Variants in EPHB1 observed in about 807,000 individuals in gnomAD.
The protein encoded by EPHB1 is ephrin type-B receptor 1.
Under a neutral mutation model 94.4 loss-of-function variants are expected in EPHB1, and 30 were observed. The observed-to-expected ratio is 0.32, with a 90% CI of 0.24 to 0.43. The LOEUF (loss-of-function observed/expected upper bound fraction) is 0.43, where lower values mean the gene tolerates loss of function less well. Ranked by LOEUF, EPHB1 falls within the 20% of genes least tolerant of loss-of-function variation. The pLI is 1.00. For missense variants in EPHB1, 1,055 were observed against 1,308.3 expected, an observed-to-expected ratio of 0.81 and a Z score of 2.99; for synonymous variants, 522 against 489.1, an observed-to-expected ratio of 1.07 and a Z score of -0.89.
At chr3:134,818,878 T>C (rs547854793) in intron 1 of EPHB1, among the ~76,000 whole-genome samples, 2 of 152,336 alleles carry the variant, frequency 1.3e-5, no homozygotes, top group East Asian at 3.9e-4. Flanking sequence ...CTTTTCTCTC[T>C]GGGTCTCTTG....
intron 3 of EPHB1, among the ~76,000 whole-genome samples, chr3:135,074,483 T>C (rs533051201): frequency 4.9e-4 from 75 of 152,376 alleles, no homozygotes; most frequent in Non-Finnish European, 7.8e-4. Flanking sequence ...GATATGTCCT[T>C]AGTACCCTAG....
intron 3 of EPHB1, among the ~76,000 whole-genome samples, chr3:134,991,820 C>A (rs779810745): frequency 1.3e-5 from 2 of 152,166 alleles, no homozygotes; most frequent in Non-Finnish European, 2.9e-5. Flanking sequence ...CGTCATGTCC[C>A]CAGGGAGTCT....
At chr3:134,968,950 C>T (rs896152152) in intron 3 of EPHB1, among the ~76,000 whole-genome samples, 6 of 152,172 alleles carry the variant, frequency 3.9e-5, no homozygotes, top group Admixed American at 1.3e-4. Context: ...TTTGTGTATC[C>T]ATTCGCTTGT....
chr3:134,892,537 A>C (rs1159782813), intron 1 of EPHB1, among the ~76,000 whole-genome samples: 5 of 152,216 alleles, frequency 3.3e-5, no homozygotes, highest in African/African-American at 7.2e-5. Context: ...ACTGCCCATC[A>C]ATCACTCCCT....
intron 3 of EPHB1, among the ~76,000 whole-genome samples, chr3:135,048,020 C>G (rs578187256): frequency 1.3e-5 from 2 of 151,968 alleles, no homozygotes; most frequent in Admixed American, 6.6e-5. Flanking sequence ...ATGGAGAGAG[C>G]AGATATTGAC....
chr3:134,943,834 G>A (rs899308550), intron 2 of EPHB1, among the ~76,000 whole-genome samples: 7 of 152,154 alleles, frequency 4.6e-5, no homozygotes, highest in African/African-American at 7.2e-5. Flanking sequence ...ATGAGAAGGG[G>A]CATAAGTCAC....
chr3:135,056,034 C>T (rs1937337012), intron 3 of EPHB1, among the ~76,000 whole-genome samples: 1 of 152,218 alleles, frequency 6.6e-6, no homozygotes. Flanking sequence ...CATCTTAGCA[C>T]TGATGGCCCA....
intron 3 of EPHB1, among the ~76,000 whole-genome samples, chr3:135,086,210 G>A (rs1938355300): frequency 6.6e-6 from 1 of 151,992 alleles, no homozygotes; most frequent in Non-Finnish European, 1.5e-5. Flanking sequence ...CCAGGACCGA[G>A]CTGCCTTAAG....
intron 1 of EPHB1, among the ~76,000 whole-genome samples, chr3:134,919,531 G>A (rs931611989): frequency 3.9e-5 from 6 of 152,302 alleles, no homozygotes; most frequent in East Asian, 3.9e-4. Context: ...CAGGAGGTCC[G>A]GACATGGTGT....
At chr3:135,120,243 G>A (rs1939895094) in intron 4 of EPHB1, among the ~76,000 whole-genome samples, 1 of 152,142 alleles carries the variant, frequency 6.6e-6, no homozygotes, top group Admixed American at 6.5e-5. Flanking sequence ...TTCCATCCAG[G>A]CATGAGGTAT....
chr3:135,111,234 G>A (rs890383707), intron 4 of EPHB1, among the ~76,000 whole-genome samples: 15 of 152,138 alleles, frequency 9.9e-5, no homozygotes, highest in South Asian at 6.2e-4. Context: ...AGCAGCCTCC[G>A]TGTCACCTAG....
chr3:134,803,988 T>C (rs569939181), intron 1 of EPHB1, among the ~76,000 whole-genome samples: 3 of 151,754 alleles, frequency 2.0e-5, no homozygotes, highest in African/African-American at 4.8e-5. Context: ...AACTTTTTCC[T>C]TCTCGGTTTG....
chr3:135,244,952 C>G (rs1425182118), intron 13 of EPHB1, among the ~76,000 whole-genome samples: 1 of 152,136 alleles, frequency 6.6e-6, no homozygotes, highest in Non-Finnish European at 1.5e-5. Flanking sequence ...CAAGTAATAA[C>G]AACAAAATTA....
At chr3:134,963,088 C>T (rs1933586473) in intron 3 of EPHB1, among the ~76,000 whole-genome samples, 1 of 151,828 alleles carries the variant, frequency 6.6e-6, no homozygotes, top group South Asian at 2.1e-4. Flanking sequence ...ACCTCAGTTT[C>T]CCTTTCCCCT....
rs755823893 is a variant in EPHB1, at chr3:134,951,253, A to G, written c.124-118A>G. ...TTCATTTCTCAAGTCAATCTGCTGG[A>G]CTGGTGAGCTCTTAAGGCCCCTTAG... On this transcript the variant is annotated intron_variant, in intron 2 of 15. Coordinates refer to ENST00000398015, the MANE Select transcript of EPHB1 (RefSeq NM_004441.5). The surrounding 1 kb of genome is among the most constrained non-coding windows in gnomAD (Gnocchi z 4.5). 3 of 781,938 alleles carry G rather than the reference A, an allele frequency of 3.8e-6. No individual in the cohort carries two copies. Among genetic ancestry groups the G allele is most frequent in the East Asian group, 2.7e-5 (1 of 36,696 alleles). 48.4% of individuals were successfully genotyped at this position (781,938 alleles called of 1,614,324 possible). A position where few individuals can be genotyped will look rare whatever the true frequency, so the allele number is the denominator to read the frequency against.
chr3:135,054,040 T>TATATACACACACAC (rs377064799), intron 3 of EPHB1, among the ~76,000 whole-genome samples: 1 of 139,812 alleles, frequency 7.2e-6, no homozygotes, highest in African/African-American at 2.7e-5. Flanking sequence ...TATATATATA[T>TATATACACACACAC]ACACACACAC....
In EPHB1 at chr3:135,222,311, A is replaced by G. The variant is rs147788102; in HGVS notation, c.2347-18837A>G. Among the ~76,000 whole-genome samples, 154 of 152,334 alleles carry G rather than the reference A, an allele frequency of 1.0e-3. 1 individual carries two copies. The highest frequency in any genetic ancestry group is 3.5e-3 in the African/African-American group (147 of 41,574). On this transcript the variant is annotated intron_variant, in intron 12 of 15. Transcript: ENST00000398015. ...CATCTTCTCTGAGATGCCTCATAAA[A>G]TGGGAATGGGGATCCAGCGTGTTCT...
intron 3 of EPHB1, among the ~76,000 whole-genome samples, chr3:135,005,224 A>G (rs902512162): frequency 1.1e-4 from 16 of 152,180 alleles, no homozygotes; most frequent in African/African-American, 3.6e-4. Flanking sequence ...TGCAGTGTGA[A>G]GTGTCAGTGT....
At chr3:135,188,974 G>T (rs1283034456) in intron 10 of EPHB1, among the ~76,000 whole-genome samples, 1 of 142,338 alleles carries the variant, frequency 7.0e-6, no homozygotes, top group Non-Finnish European at 1.6e-5. Flanking sequence ...GACCACGAAG[G>T]TAACCAACCA....
Sources: allele counts gnomAD v4.1 joint callset (sites outside exome capture counted in the v4.1 genomes callset), GRCh38; gene constraint gnomAD v4.1.1; non-coding constraint Gnocchi (gnomAD v3.1); transcripts MANE v1.5; gene names NCBI Gene and HGNC (gene_info 2026-07-23, HGNC 2026-07-21).